The following PRTG variants were observed in gnomAD, a reference collection of about 807,000 sequenced individuals.
PRTG encodes immunoglobulin superfamily, DCC subclass, member 5.
Under a neutral mutation model 122.5 loss-of-function variants are expected in PRTG, and 67 were observed. That is an observed-to-expected ratio of 0.55 (90% CI 0.45 to 0.67). The LOEUF is 0.67. Ranked by LOEUF, PRTG falls within the 30% of genes least tolerant of loss-of-function variation. The pLI, the probability that PRTG is intolerant of heterozygous loss-of-function variation, is 0.00. For synonymous variants in PRTG, 554 were observed against 501.1 expected (o/e 1.11, Z -1.41); for missense variants, 1,435 against 1,415.4 (o/e 1.01, Z -0.22).
intron 2 of PRTG, among the ~76,000 whole-genome samples, chr15:55,719,151 A>C (rs2030715274): frequency 6.6e-6 from 1 of 152,214 alleles, no homozygotes; most frequent in South Asian, 2.1e-4. Context: ...TGAATAACTG[A>C]ATTGCTTAGA....
chr15:55,656,239 T>C, intron 11 of PRTG: 1 of 425,666 alleles, frequency 2.3e-6, no homozygotes, highest in Non-Finnish European at 4.7e-6. Flanking sequence ...TGTCTCCATC[T>C]AGAACTGTCT....
chr15:55,667,565 T>G (rs1030113878), intron 11 of PRTG, among the ~76,000 whole-genome samples: 2 of 152,146 alleles, frequency 1.3e-5, no homozygotes, highest in Admixed American at 6.5e-5. Context: ...TTCAACATAT[T>G]TTGGCATAAT....
intron 11 of PRTG, among the ~76,000 whole-genome samples, chr15:55,653,310 C>G (rs755442597): frequency 6.6e-6 from 1 of 152,064 alleles, no homozygotes; most frequent in African/African-American, 2.4e-5. Flanking sequence ...GCTCCCACCC[C>G]CCATAGGGTC....
At chr15:55,632,473 T>C (rs1362650014) in intron 15 of PRTG, among the ~76,000 whole-genome samples, 5 of 152,100 alleles carry the variant, frequency 3.3e-5, no homozygotes, top group African/African-American at 4.8e-5. Context: ...TAATCAAAGG[T>C]CTCCAATACC....
intron 6 of PRTG, 58 bp from the exon 7 acceptor site, chr15:55,679,503 G>A: frequency 7.4e-7 from 1 of 1,347,628 alleles, no homozygotes; most frequent in Non-Finnish European, 1.0e-6. Flanking sequence ...TGATGTAAAG[G>A]GTCAAGGAAG....
chr15:55,612,999 C>T lies in PRTG; in HGVS notation c.*7013G>A, dbSNP rs1299919479. The T allele has an allele frequency of 1.3e-5, 2 of 151,838 alleles. No individual in the cohort carries two copies. The highest frequency in any genetic ancestry group is 2.9e-5 in the Non-Finnish European group (2 of 67,916). 9.4% of individuals were successfully genotyped at this position (151,838 alleles called of 1,614,324 possible). A position where few individuals can be genotyped will look rare whatever the true frequency, so the allele number is the denominator to read the frequency against. On this transcript the variant is annotated 3_prime_UTR_variant, in exon 20 of 20. Transcript: ENST00000389286. ...AAGAGTCTGTAAAATCTTTCACAGC[C>T]TCATACAAATGAGTTTCAGATTATG...
Position 55,618,928 on chromosome 15 carries a change from G to C in PRTG, c.*1084C>G, listed in dbSNP as rs895444542. 6.6e-6 allele frequency: 1 copy of C among 151,980 alleles called. No homozygotes were observed. Among genetic ancestry groups the C allele is most frequent in the African/African-American group, 2.4e-5 (1 of 41,390 alleles). 9.4% of individuals were successfully genotyped at this position (151,980 alleles called of 1,614,324 possible). A position where few individuals can be genotyped will look rare whatever the true frequency, so the allele number is the denominator to read the frequency against. On this transcript the variant is annotated 3_prime_UTR_variant, in exon 20 of 20. Transcript: ENST00000389286. Reference sequence around the variant, plus strand: ...CGAGTTCATTTTACTGTCTACTGTTGCATTTACCTTCATTCTTAATAGTTC... The same window carrying C: ...CGAGTTCATTTTACTGTCTACTGTTCCATTTACCTTCATTCTTAATAGTTC...
intron 2 of PRTG, among the ~76,000 whole-genome samples, chr15:55,716,484 C>T (rs1271135542): frequency 2.6e-5 from 4 of 152,076 alleles, no homozygotes; most frequent in African/African-American, 7.2e-5. Context: ...AAGAAGTCAT[C>T]GGAAAGGTTT....
At chr15:55,626,241 TCTA>T (rs2059194047) in intron 17 of PRTG, among the ~76,000 whole-genome samples, 1 of 151,542 alleles carries the variant, frequency 6.6e-6, no homozygotes, top group African/African-American at 2.4e-5. Flanking sequence ...CATGGTGAAA[TCTA>T]CTAAGAATAT....
intron 15 of PRTG, 56 bp from the exon 16 acceptor site, chr15:55,629,060 A>C: frequency 8.1e-7 from 1 of 1,228,702 alleles, no homozygotes; most frequent in African/African-American, 1.5e-5. Flanking sequence ...TCTTTCACTC[A>C]TATTATACAA....
chr15:55,627,492 G>A (rs968193601), intron 16 of PRTG, among the ~76,000 whole-genome samples: 1 of 104,774 alleles, frequency 9.5e-6, no homozygotes, highest in Non-Finnish European at 1.8e-5. Context: ...GCCCAGCTAA[G>A]TTTTTTTTTT....
chr15:55,659,372 C>T (rs1403089861), intron 11 of PRTG, among the ~76,000 whole-genome samples: 1 of 151,926 alleles, frequency 6.6e-6, no homozygotes, highest in African/African-American at 2.4e-5. Context: ...TAGTTTACAC[C>T]ATCCCTTCTT....
In PRTG at chr15:55,627,062, G is replaced by A; in HGVS notation, c.2873C>T (p.Ala958Val). 1.2e-6 allele frequency: 2 copies of A among 1,612,432 alleles called. No homozygotes were observed. Among genetic ancestry groups the A allele is most frequent in the Non-Finnish European group, 1.7e-6 (2 of 1,178,856 alleles). Residue 958 changes from alanine to valine, a missense_variant, in exon 17 of 20, where the codon GCC (alanine) becomes GTC (valine). Transcript: ENST00000389286. ...AACACAGATGAGGATGCAGGTCAAG[G>A]CTATGCCAACACCTACAGCAATGCC... is the stretch of plus-strand genomic sequence containing the variant. ...MTGIAVGVGI[A>V]LTCILICVLI...
intron 2 of PRTG, among the ~76,000 whole-genome samples, chr15:55,703,531 G>T (rs1470230101): frequency 6.6e-6 from 1 of 152,088 alleles, no homozygotes; most frequent in East Asian, 1.9e-4. Context: ...GTGTTGGTAG[G>T]AATTTAAAGA....
At chr15:55,681,339 C>T (rs2059536852) in intron 4 of PRTG, 2 of 151,900 alleles carry the variant, frequency 1.3e-5, no homozygotes, top group Non-Finnish European at 2.9e-5. Context: ...TGTTAGAAAC[C>T]AGTATCTCTT....
chr15:55,715,333 T>C (rs2030559272), intron 2 of PRTG, among the ~76,000 whole-genome samples: 1 of 152,216 alleles, frequency 6.6e-6, no homozygotes, highest in Admixed American at 6.5e-5. Flanking sequence ...GGGATATAAA[T>C]ACTCTCTTCA....
chr15:55,654,028 A>G (rs1038224149), intron 11 of PRTG, among the ~76,000 whole-genome samples: 8 of 152,240 alleles, frequency 5.3e-5, no homozygotes, highest in Admixed American at 6.5e-5. Flanking sequence ...GAACTTTGCT[A>G]TAAGTGAATC....
rs1483090041 is a variant in PRTG at position 55,615,059 on chromosome 15, A to T, written c.*4953T>A. ...TCACTGGAATCCTTAAACCTAGATA[A>T]CCTGTATCAGCTGGGGTTGGACAAA... On this transcript the variant is annotated 3_prime_UTR_variant, in exon 20 of 20. Transcript: ENST00000389286. 6.6e-6 allele frequency: 1 copy of T among 152,092 alleles called. No homozygotes were observed. The highest frequency in any genetic ancestry group is 1.5e-5 in the Non-Finnish European group (1 of 67,990). 9.4% of individuals were successfully genotyped at this position (152,092 alleles called of 1,614,324 possible).
At chr15:55,719,936 C>T (rs961215479) in intron 2 of PRTG, among the ~76,000 whole-genome samples, 5 of 151,556 alleles carry the variant, frequency 3.3e-5, no homozygotes, top group Non-Finnish European at 7.4e-5. Context: ...GTGGTGGGCG[C>T]CTGGTCCCAC....
Sources: gnomAD v4.1 joint callset for allele counts (sites outside exome capture counted in the v4.1 genomes callset) on GRCh38, gnomAD v4.1.1 for gene constraint, MANE v1.5 for transcripts, NCBI Gene and HGNC (gene_info 2026-07-23, HGNC 2026-07-21) for gene names.